Variants in EHBP1 observed in about 807,000 individuals in gnomAD.
EHBP1 encodes the protein EH domain-binding protein 1.
EHBP1 carries 55 observed loss-of-function variants against 144.0 expected under a neutral mutation model. The observed-to-expected ratio is 0.38, with a 90% CI of 0.31 to 0.48. The LOEUF is 0.48. Ranked by LOEUF, EHBP1 falls within the 20% of genes least tolerant of loss-of-function variation. EHBP1 has a pLI of 0.98. For synonymous variants in EHBP1, 469 were observed against 472.7 expected (o/e 0.99, Z 0.10); for missense variants, 1,200 against 1,364.2 (o/e 0.88, Z 1.90).
chr2:62,953,637 T>TG lies in EHBP1; in HGVS notation c.2317-1879dup, dbSNP rs1174647757. On this transcript the variant is annotated intron_variant, in intron 13 of 22. Coordinates refer to ENST00000431489, the MANE Select transcript of EHBP1 (RefSeq NM_001142616.3). The stretch of plus-strand genomic sequence containing the variant: ...GAGAAAATGCTCAAAATAGAATAAG[T>TG]GAAAAAAAAAGCATGATTCTACAGT... Among the ~76,000 whole-genome samples, 4 of 151,408 alleles carry TG rather than the reference T, an allele frequency of 2.6e-5. No homozygotes were observed. The East Asian group carries it at 5.8e-4, about 22-fold the overall frequency.
intron 5 of EHBP1, among the ~76,000 whole-genome samples, chr2:62,811,107 T>A (rs1302516895): frequency 6.6e-6 from 1 of 152,216 alleles, no homozygotes; most frequent in Non-Finnish European, 1.5e-5. Context: ...AAAATCAATA[T>A]AATTTTTATA....
intron 7 of EHBP1, among the ~76,000 whole-genome samples, chr2:62,849,780 A>C (rs1407623975): frequency 6.6e-6 from 1 of 152,216 alleles, no homozygotes; most frequent in Non-Finnish European, 1.5e-5. Flanking sequence ...TACAAGACGA[A>C]CATGACATAG....
chr2:62,748,743 T>G (rs2152174957), intron 3 of EHBP1, among the ~76,000 whole-genome samples: 1 of 152,288 alleles, frequency 6.6e-6, no homozygotes, highest in South Asian at 2.1e-4. Flanking sequence ...TGAATGTTGG[T>G]TTTTCTACAA....
intron 19 of EHBP1, among the ~76,000 whole-genome samples, chr2:63,009,129 C>T (rs112898734): frequency 1.3e-5 from 2 of 151,644 alleles, no homozygotes; most frequent in Admixed American, 6.6e-5. Flanking sequence ...GTGATTAGTC[C>T]AATGGGGAAA....
At chr2:62,813,036 A>G (rs2045148015) in intron 5 of EHBP1, among the ~76,000 whole-genome samples, 1 of 152,198 alleles carries the variant, frequency 6.6e-6, no homozygotes, top group Non-Finnish European at 1.5e-5. Context: ...CCCCACAAGC[A>G]GTTTGATATT....
intron 7 of EHBP1, chr2:62,858,242 G>A (rs1451696287): frequency 2.3e-6 from 1 of 440,394 alleles, no homozygotes; most frequent in Non-Finnish European, 4.1e-6. Flanking sequence ...ATAACATTCA[G>A]TTAAGCATAT....
chr2:62,999,364 A>G (rs909309716), intron 19 of EHBP1, among the ~76,000 whole-genome samples: 2 of 152,198 alleles, frequency 1.3e-5, no homozygotes, highest in African/African-American at 4.8e-5. Flanking sequence ...AACCATTTGA[A>G]AATGCATAAT....
intron 19 of EHBP1, among the ~76,000 whole-genome samples, chr2:63,025,110 A>G (rs993622091): frequency 6.6e-6 from 1 of 152,254 alleles, no homozygotes; most frequent in African/African-American, 2.4e-5. Context: ...TCCATCATTT[A>G]TAGATGATAA....
intron 10 of EHBP1, among the ~76,000 whole-genome samples, chr2:62,881,328 C>A (rs971412998): frequency 2.7e-5 from 4 of 148,856 alleles, no homozygotes; most frequent in Non-Finnish European, 4.4e-5. Context: ...ATAATCTATA[C>A]ACCAGTCCCC....
chr2:62,769,793 G>T (rs1287791264), intron 4 of EHBP1, among the ~76,000 whole-genome samples: 1 of 134,580 alleles, frequency 7.4e-6, no homozygotes, highest in Non-Finnish European at 1.6e-5. Context: ...GCATGGTACT[G>T]GTAAAAAAAA....
intron 19 of EHBP1, among the ~76,000 whole-genome samples, chr2:63,030,469 T>G (rs1336168090): frequency 1.3e-5 from 2 of 152,046 alleles, no homozygotes; most frequent in African/African-American, 4.8e-5. Flanking sequence ...CCTAGAAATA[T>G]TGCTTTTCTC....
In EHBP1 at chr2:62,853,799, C is replaced by G. The variant is rs1009327523; in HGVS notation, c.635-5370C>G. 2.0e-5 allele frequency among the ~76,000 whole-genome samples: 3 copies of G among 152,220 alleles called. No individual in the cohort carries two copies. The East Asian group carries it at 5.8e-4, about 29-fold the overall frequency. On this transcript the variant is annotated intron_variant, in intron 7 of 22. Transcript: ENST00000431489. ...TCACCTGTACATCTCCATCACAGCT[C>G]TTGGGCGACCTGGTGCATTGTCAGT...
At chr2:62,765,198 A>G (rs2041080812) in intron 4 of EHBP1, among the ~76,000 whole-genome samples, 1 of 152,106 alleles carries the variant, frequency 6.6e-6, no homozygotes, top group African/African-American at 2.4e-5. Flanking sequence ...TAGAGATACC[A>G]TTTTTAAGTG....
At position 62,851,810 on chromosome 2, in the gene EHBP1, G is replaced by A. The variant is rs539474960; in HGVS notation, c.635-7359G>A. ...AAGCAGAAGTTCTAGGAGTGAAGTA[G>A]GGATTTACTTAAGCTAAGGATAAAT... On this transcript the variant is annotated intron_variant, in intron 7 of 22. Coordinates refer to ENST00000431489, the MANE Select transcript of EHBP1 (RefSeq NM_001142616.3). Among the ~76,000 whole-genome samples, 13 of 151,842 alleles carry A rather than the reference G, an allele frequency of 8.6e-5. No individual in the cohort carries two copies. In the East Asian group the frequency reaches 2.3e-3, roughly 27 times the overall value.
At chr2:62,833,780 T>C (rs1262646998) in intron 7 of EHBP1, among the ~76,000 whole-genome samples, 1 of 152,208 alleles carries the variant, frequency 6.6e-6, no homozygotes, top group Non-Finnish European at 1.5e-5. Flanking sequence ...ATACATTTTA[T>C]AAGGTGTAGC....
At chr2:62,849,020 C>T (rs2048492660) in intron 7 of EHBP1, among the ~76,000 whole-genome samples, 1 of 152,140 alleles carries the variant, frequency 6.6e-6, no homozygotes, top group African/African-American at 2.4e-5. Context: ...TATAGCTGGT[C>T]TCCTGACTGT....
chr2:63,043,912 C>T (rs1236121063), intron 21 of EHBP1: 1 of 74,596 alleles, frequency 1.3e-5, no homozygotes, highest in African/African-American at 5.6e-5. Flanking sequence ...GAGTCAGTGG[C>T]CATGGTTCTT....
intron 5 of EHBP1, among the ~76,000 whole-genome samples, chr2:62,775,459 C>T (rs2041991762): frequency 6.6e-6 from 1 of 152,184 alleles, no homozygotes; most frequent in South Asian, 2.1e-4. Context: ...TGTCCTGACA[C>T]TGAAAAGGTA....
At chr2:63,036,341 CAT>C (rs1048636845) in intron 19 of EHBP1, among the ~76,000 whole-genome samples, 2 of 152,008 alleles carry the variant, frequency 1.3e-5, no homozygotes, top group Non-Finnish European at 2.9e-5. Context: ...AGTATATACA[CAT>C]GTGTGATAGA....
Sources: gnomAD v4.1 joint callset for allele counts (sites outside exome capture counted in the v4.1 genomes callset) on GRCh38, gnomAD v4.1.1 for gene constraint, MANE v1.5 for transcripts, NCBI Gene and HGNC (gene_info 2026-07-23, HGNC 2026-07-21) for gene names.